The following FSTL4 variants were observed in gnomAD, a reference collection of about 807,000 sequenced individuals.
The protein encoded by FSTL4 is follistatin-related protein 4.
Under a neutral mutation model 78.2 loss-of-function variants are expected in FSTL4, and 28 were observed. The ratio of observed to expected loss-of-function variants is 0.36; its 90% CI spans 0.27 to 0.49. FSTL4 has a LOEUF of 0.49. FSTL4 is among the 20% of genes least tolerant of loss of function. The probability of loss-of-function intolerance (pLI) is 0.98; values close to 1 mark genes in which losing one functional copy is unlikely to be tolerated. For missense variants in FSTL4, 922 were observed against 1,084.9 expected (o/e 0.85, Z 2.11); for synonymous variants, 422 against 440.5 (o/e 0.96, Z 0.53).
chr5:133,490,377 T>G (rs1758242955), intron 3 of FSTL4, among the ~76,000 whole-genome samples: 1 of 152,092 alleles, frequency 6.6e-6, no homozygotes, highest in African/African-American at 2.4e-5. Flanking sequence ...AAGTTTTTTT[T>G]TTTTTTCCAG....
chr5:133,813,718 G>C, the FSTL4 span, among the ~76,000 whole-genome samples: 1 of 152,106 alleles, frequency 6.6e-6, no homozygotes, highest in Non-Finnish European at 1.5e-5. Context: ...TAAATAATGG[G>C]CACCAGCCCT....
At chr5:133,224,356 T>A (rs1370846761) in intron 10 of FSTL4, 140 bp from the exon 11 acceptor site, 2 of 634,322 alleles carry the variant, frequency 3.2e-6, no homozygotes, top group Non-Finnish European at 5.7e-6. Flanking sequence ...TCTATACCAC[T>A]CATTGCCCTA....
At chr5:133,204,430 ATTGTAT>A (rs1478130549) in intron 14 of FSTL4, among the ~76,000 whole-genome samples, 5 of 152,192 alleles carry the variant, frequency 3.3e-5, no homozygotes, top group African/African-American at 1.2e-4. Flanking sequence ...AGTAACAAAC[ATTGTAT>A]TTGTGAGAGA....
chr5:133,224,611 A>G (rs189447120), intron 10 of FSTL4, among the ~76,000 whole-genome samples: 110 of 152,322 alleles, frequency 7.2e-4, no homozygotes, highest in Non-Finnish European at 1.4e-3. Context: ...CTGATTATCT[A>G]CTTTGATGAA....
chr5:133,766,960 A>G, the FSTL4 span, among the ~76,000 whole-genome samples: 1 of 152,214 alleles, frequency 6.6e-6, no homozygotes, highest in Non-Finnish European at 1.5e-5. Flanking sequence ...GGCTTGAGCA[A>G]AAGTGCGAAG....
At chr5:133,547,157 G>C (rs1759593021) in intron 3 of FSTL4, among the ~76,000 whole-genome samples, 1 of 152,184 alleles carries the variant, frequency 6.6e-6, no homozygotes. Flanking sequence ...TTATTCTGCA[G>C]CCTCAAAACT....
intron 11 of FSTL4, 165 bp from the exon 12 acceptor site, chr5:133,221,031 G>A (rs1033996708): frequency 2.8e-6 from 2 of 710,484 alleles, no homozygotes; most frequent in African/African-American, 3.5e-5. Flanking sequence ...CCAGCTTGTA[G>A]CTGGATGGGT....
chr5:133,661,663 T>C, the FSTL4 span, among the ~76,000 whole-genome samples: 1 of 152,240 alleles, frequency 6.6e-6, no homozygotes, highest in African/African-American at 2.4e-5. Context: ...AATCAAAGCA[T>C]GGAAAAGTAT....
At chr5:133,294,980 G>T (rs959412795) in intron 6 of FSTL4, among the ~76,000 whole-genome samples, 2 of 152,116 alleles carry the variant, frequency 1.3e-5, no homozygotes, top group Admixed American at 1.3e-4. Flanking sequence ...TGAACATGCT[G>T]GGGAAACGGC....
chr5:133,225,008 T>C lies in FSTL4; in HGVS notation c.1312+142A>G, dbSNP rs145464392. ...TCTGGGTGCCCTCCAATTCCAGCTT[T>C]ATGCAAAGAGGGATATGAGGCTTAC... is the stretch of plus-strand genomic sequence containing the variant. On this transcript the variant is annotated intron_variant, in intron 10 of 15. Coordinates refer to ENST00000265342, the MANE Select transcript of FSTL4 (RefSeq NM_015082.2). This position sits in a 1 kb window ranked among gnomAD's most constrained non-coding sequence, Gnocchi z 4.6. The C allele has an allele frequency of 1.1e-4, 101 of 949,312 alleles. No individual in the cohort carries two copies. In the African/African-American group the frequency reaches 1.5e-3, roughly 14 times the overall value. 58.8% of individuals were successfully genotyped at this position (949,312 alleles called of 1,614,324 possible). A position where few individuals can be genotyped will look rare whatever the true frequency, so the allele number is the denominator to read the frequency against.
chr5:133,258,910 G>T (rs1752447398), intron 6 of FSTL4, among the ~76,000 whole-genome samples: 1 of 152,198 alleles, frequency 6.6e-6, no homozygotes, highest in Admixed American at 6.5e-5. Context: ...TTCTGAGAAT[G>T]TTCTAACAAG....
intron 4 of FSTL4, among the ~76,000 whole-genome samples, chr5:133,396,414 C>G (rs1756048372): frequency 6.6e-6 from 1 of 152,206 alleles, no homozygotes. Context: ...GTCCCATCAG[C>G]CTGGGCCTCC....
chr5:133,245,436 C>G (rs1208258896), intron 7 of FSTL4, among the ~76,000 whole-genome samples: 3 of 152,266 alleles, frequency 2.0e-5, no homozygotes, highest in Non-Finnish European at 2.9e-5. Context: ...CCACTGCCCA[C>G]AGGGCAATTG....
At chr5:133,757,396 G>C in the FSTL4 span, among the ~76,000 whole-genome samples, 1 of 152,160 alleles carries the variant, frequency 6.6e-6, no homozygotes, top group Non-Finnish European at 1.5e-5. Flanking sequence ...TGAACCAGCT[G>C]TATTTCAGTG....
At chr5:133,554,666 C>T (rs1166176424) in intron 3 of FSTL4, among the ~76,000 whole-genome samples, 1 of 152,226 alleles carries the variant, frequency 6.6e-6, no homozygotes, top group Non-Finnish European at 1.5e-5. Flanking sequence ...CTTGGAAAGG[C>T]ATGCAATTTC....
intron 4 of FSTL4, among the ~76,000 whole-genome samples, chr5:133,353,899 G>A (rs1044415902): frequency 5.9e-5 from 9 of 152,180 alleles, no homozygotes; most frequent in African/African-American, 1.9e-4. Context: ...CTGGACATGC[G>A]GGGGCAGTGC....
intron 3 of FSTL4, among the ~76,000 whole-genome samples, chr5:133,506,315 C>A (rs1156570171): frequency 6.6e-6 from 1 of 152,154 alleles, no homozygotes; most frequent in East Asian, 1.9e-4. Flanking sequence ...AAGCTGAGGA[C>A]CTTGTGCCAG....
intron 3 of FSTL4, among the ~76,000 whole-genome samples, chr5:133,518,763 T>A (rs1758913812): frequency 6.6e-6 from 1 of 152,182 alleles, no homozygotes; most frequent in African/African-American, 2.4e-5. Flanking sequence ...ATGGTAATGG[T>A]TTTTAATGTC....
At chr5:133,816,381 G>T in the FSTL4 span, among the ~76,000 whole-genome samples, 1 of 152,226 alleles carries the variant, frequency 6.6e-6, no homozygotes, top group African/African-American at 2.4e-5. Context: ...GATGCAGGTT[G>T]TCTCTGCTGA....
Sources: allele counts gnomAD v4.1 joint callset (sites outside exome capture counted in the v4.1 genomes callset), GRCh38; gene constraint gnomAD v4.1.1; non-coding constraint Gnocchi (gnomAD v3.1); transcripts MANE v1.5; gene names NCBI Gene and HGNC (gene_info 2026-07-23, HGNC 2026-07-21).